The following OR2T11 variants were observed in gnomAD, a reference collection of about 807,000 sequenced individuals.
OR2T11 encodes the protein olfactory receptor family 2 subfamily T member 11.
A neutral mutation model predicts 13.5 loss-of-function variants in OR2T11; 14 were observed. The observed-to-expected ratio is 1.04, with a 90% CI of 0.69 to 1.62. The LOEUF (loss-of-function observed/expected upper bound fraction) is 1.62, where lower values mean the gene tolerates loss of function less well. Among genes scored for constraint, OR2T11 ranks in the 40% most tolerant of loss-of-function variants. OR2T11 has a pLI of 0.00. For missense variants in OR2T11, 410 were observed against 389.7 expected (o/e 1.05, Z -0.44); for synonymous variants, 163 against 154.6 (o/e 1.05, Z -0.40).
intron 1 of OR2T11, among the ~76,000 whole-genome samples, chr1:248,633,805 G>C (rs755616420): frequency 1.4e-5 from 2 of 143,810 alleles, no homozygotes; most frequent in Non-Finnish European, 3.0e-5. Context: ...TTTCAGTCAT[G>C]AAAGAGTTTT....
rs1195307276 is a variant in OR2T11, at chr1:248,623,603, G to A, written c.*2575C>T. On this transcript the variant is annotated 3_prime_UTR_variant, in exon 2 of 2. Coordinates refer to ENST00000641193, the MANE Select transcript of OR2T11 (RefSeq NM_001001964.2). Reference sequence around the variant, plus strand: ...AGAGACAAATTTATTGAAATAAACAGCTACTGAACATCTATTACATACTGC... The same window carrying A: ...AGAGACAAATTTATTGAAATAAACAACTACTGAACATCTATTACATACTGC... 1 of 143,122 alleles carries A rather than the reference G, an allele frequency of 7.0e-6. No homozygotes were observed. Among genetic ancestry groups the A allele is most frequent in the East Asian group, 2.0e-4 (1 of 4,972 alleles). The allele number at this position is 143,122 out of a possible 1,614,324, so 8.9% of individuals were successfully genotyped here.
At position 248,626,649 on chromosome 1, in the gene OR2T11, G is replaced by C. The variant is rs750066387; in HGVS notation, c.480C>G (p.Thr160=). The C allele has an allele frequency of 6.4e-7, 1 of 1,572,286 alleles. No homozygotes were observed. The highest frequency in any genetic ancestry group is 8.7e-7 in the Non-Finnish European group (1 of 1,155,924). Reference sequence around the variant, plus strand: ...GGGAGCCACAGTAAGGGACATTCATGGTGATGGGAGTGAGCAGAAAGCCAT... The same window carrying C: ...GGGAGCCACAGTAAGGGACATTCATCGTGATGGGAGTGAGCAGAAAGCCAT... ...SLDGFLLTPI[T]MNVPYCGSRS... The change falls in exon 2 of 2, where the codon ACC becomes ACG. Residue 160 remains threonine (T), a synonymous_variant. Coordinates refer to ENST00000641193, the MANE Select transcript of OR2T11 (RefSeq NM_001001964.2).
At chr1:248,630,836 C>T (rs1207654560) in intron 1 of OR2T11, among the ~76,000 whole-genome samples, 1 of 143,322 alleles carries the variant, frequency 7.0e-6, no homozygotes. Flanking sequence ...GCAAAAAAGA[C>T]TTTGTGGGTA....
chr1:248,631,081 C>A (rs1660606874), intron 1 of OR2T11, among the ~76,000 whole-genome samples: 2 of 142,678 alleles, frequency 1.4e-5, no homozygotes, highest in Non-Finnish European at 3.0e-5. Context: ...TCTCCTAAAA[C>A]CTCATAGAAA....
chr1:248,626,535 GA>G lies in OR2T11; in HGVS notation c.593del (p.Ile198ThrfsTer23), dbSNP rs778543886. 1.3e-6 allele frequency: 2 copies of G among 1,566,838 alleles called. No individual in the cohort carries two copies. The highest frequency in any genetic ancestry group is 1.7e-6 in the Non-Finnish European group (2 of 1,151,024). Reference sequence around the variant, plus strand: ...GGATGAGCAACATGAGGACACAGCAGATGTACATCAGAGTTTCATACAAGGA... The same window carrying G: ...GGATGAGCAACATGAGGACACAGCAGTGTACATCAGAGTTTCATACAAGGA... The part of the protein sequence containing the change: ...DTSLYETLMY[I>X]CCVLMLLIPI... On this transcript the variant is annotated frameshift_variant, in exon 2 of 2. Coordinates refer to ENST00000641193, the MANE Select transcript of OR2T11 (RefSeq NM_001001964.2). LOFTEE classifies it high-confidence loss of function.
rs374584724 is a variant in OR2T11, at chr1:248,631,540, C to T, written c.-145+3498G>A. Among the ~76,000 whole-genome samples, 10 of 143,126 alleles carry T rather than the reference C, an allele frequency of 7.0e-5. 2 individuals carry two copies. The highest frequency in any genetic ancestry group is 2.8e-4 in the African/African-American group (10 of 36,224). The allele number at this position is 143,126 out of a possible 152,430, so 93.9% of individuals were successfully genotyped here. On this transcript the variant is annotated intron_variant, in intron 1 of 1. Transcript: ENST00000641193. The stretch of plus-strand genomic sequence containing the variant: ...CTTTGAGCATCACTTCCGTTTACAA[C>T]CAGCCAAAGAGAAGTTAAATGAATG...
chr1:248,627,119 T>C lies in OR2T11; in HGVS notation c.10A>G (p.Thr4Ala). 1 of 1,531,154 alleles carries C rather than the reference T, an allele frequency of 6.5e-7. No homozygotes were observed. The highest frequency in any genetic ancestry group is 8.9e-7 in the Non-Finnish European group (1 of 1,121,862). 94.8% of individuals were successfully genotyped at this position (1,531,154 alleles called of 1,614,324 possible). Reference protein sequence around the residue: MTNTSSSDFTLLGL... With the variant: MTNASSSDFTLLGL... Reference sequence around the variant, plus strand: ...AGGAGGGTGAAGTCAGAGGATGATGTGTTCGTCATTGATATGGCCCACGAG... The same window carrying C: ...AGGAGGGTGAAGTCAGAGGATGATGCGTTCGTCATTGATATGGCCCACGAG... The change falls in exon 2 of 2, where the codon ACA becomes GCA. Residue 4 changes from threonine to alanine, a missense_variant. Coordinates refer to ENST00000641193, the MANE Select transcript of OR2T11 (RefSeq NM_001001964.2).
In OR2T11 at chr1:248,626,338, G is replaced by A. The variant is rs755049818; in HGVS notation, c.791C>T (p.Thr264Ile). The A allele has an allele frequency of 2.5e-6, 4 of 1,573,432 alleles. 1 individual carries two copies. The highest frequency in any genetic ancestry group is 3.5e-6 in the Non-Finnish European group (4 of 1,156,562). The change falls in exon 2 of 2, where the codon ACC (threonine) becomes ATC (isoleucine). Residue 264 changes from threonine to isoleucine, a missense_variant. Physicochemically the swap from Thr to Ile is moderately conservative, Grantham distance 89. Transcript: ENST00000641193. ...TGACACTACTTTGTCCTGCTCGGGG[G>A]TGTGGAAGGACTGGGGCAGCACGTA... ...YTYVLPQSFHTPEQDKVVSAF... is the reference protein window; with the variant it reads ...YTYVLPQSFHIPEQDKVVSAF...
chr1:248,632,342 G>A lies in OR2T11; in HGVS notation c.-145+2696C>T, dbSNP rs575640858. ...TTCCTAGGTACTGAAGACCTCTAAT[G>A]GACAGATTTTTTTAAAAGATAATTT... On this transcript the variant is annotated intron_variant, in intron 1 of 1. Coordinates refer to ENST00000641193, the MANE Select transcript of OR2T11 (RefSeq NM_001001964.2). Among the ~76,000 whole-genome samples, 69 of 140,596 alleles carry A rather than the reference G, an allele frequency of 4.9e-4. 8 individuals are homozygous for A. The highest frequency in any genetic ancestry group is 7.1e-3 in the Middle Eastern group (2 of 282). 92.2% of individuals were successfully genotyped at this position (140,596 alleles called of 152,430 possible).
intron 1 of OR2T11, among the ~76,000 whole-genome samples, chr1:248,632,528 C>T (rs1660628713): frequency 7.3e-6 from 1 of 137,274 alleles, no homozygotes. Flanking sequence ...AGTTGAGGGA[C>T]CATTTCTGAA....
At position 248,630,894 on chromosome 1, in the gene OR2T11, G is replaced by C. The variant is rs114709237; in HGVS notation, c.-144-3622C>G. On this transcript the variant is annotated intron_variant, in intron 1 of 1. Transcript: ENST00000641193. ...GAGATTCTTCTGAATTATGCTGTTG[G>C]ACTCAATTGCAAATGCCAAGGCCTT... is the stretch of plus-strand genomic sequence containing the variant. Among the ~76,000 whole-genome samples, 965 of 143,136 alleles carry C rather than the reference G, an allele frequency of 6.7e-3. 191 individuals carry two copies. Among genetic ancestry groups the C allele is most frequent in the African/African-American group, 0.026 (931 of 36,284 alleles). The allele number at this position is 143,136 out of a possible 152,430, so 93.9% of individuals were successfully genotyped here. A position where few individuals can be genotyped will look rare whatever the true frequency, so the allele number is the denominator to read the frequency against.
At chr1:248,633,564 G>C (rs1392550126) in intron 1 of OR2T11, among the ~76,000 whole-genome samples, 1 of 139,018 alleles carries the variant, frequency 7.2e-6, no homozygotes, top group Non-Finnish European at 1.5e-5. Context: ...GTTTATACAG[G>C]GAGACAGAAA....
chr1:248,625,403 G>A lies in OR2T11; in HGVS notation c.*775C>T, dbSNP rs760990783. On this transcript the variant is annotated 3_prime_UTR_variant, in exon 2 of 2. Transcript: ENST00000641193. The stretch of plus-strand genomic sequence containing the variant: ...CACCCCACTCAGTCAGTCTCAAAGT[G>A]CCTTAAGTGTTGCTGTTGAATCACA... 2.8e-5 allele frequency: 4 copies of A among 144,188 alleles called. 1 individual carries two copies. Among genetic ancestry groups the A allele is most frequent in the African/African-American group, 5.4e-5 (2 of 36,734 alleles). 8.9% of individuals were successfully genotyped at this position (144,188 alleles called of 1,614,324 possible).
At chr1:248,628,569 TAAC>T (rs1660555524) in intron 1 of OR2T11, among the ~76,000 whole-genome samples, 1 of 141,478 alleles carries the variant, frequency 7.1e-6, no homozygotes, top group African/African-American at 2.8e-5. Context: ...ATAATGTTCT[TAAC>T]ACCAAAAAAA....
Position 248,626,320 on chromosome 1 carries a change from ACTT to A in OR2T11, c.806_808del (p.Lys269_Val270delinsIle), listed in dbSNP as rs1660517358. On this transcript the variant is annotated inframe_deletion, in exon 2 of 2. Transcript: ENST00000641193. ...GACAATGGTATAGAAGGCTGACACT[ACTT>A]TGTCCTGCTCGGGGGTGTGGAAGGA... 1 of 1,572,036 alleles carries A rather than the reference ACTT, an allele frequency of 6.4e-7. No homozygotes were observed. The highest frequency in any genetic ancestry group is 1.1e-5 in the South Asian group (1 of 88,894).
In OR2T11 at chr1:248,624,656, T is replaced by TTCTGAACA; in HGVS notation, c.*1521_*1522insTGTTCAGA. On this transcript the variant is annotated 3_prime_UTR_variant, in exon 2 of 2. Transcript: ENST00000641193. ...TTAAATGCTCTTCGTACTCTGATTA[T>TTCTGAACA]TAAATGTATGCTTTATGTTCAGAAC... is the stretch of plus-strand genomic sequence containing the variant. 6.9e-6 allele frequency: 1 copy of TTCTGAACA among 144,466 alleles called. No individual in the cohort carries two copies. Among genetic ancestry groups the TTCTGAACA allele is most frequent in the Admixed American group, 6.8e-5 (1 of 14,810 alleles). The allele number at this position is 144,466 out of a possible 1,614,324, so 8.9% of individuals were successfully genotyped here. A position where few individuals can be genotyped will look rare whatever the true frequency, so the allele number is the denominator to read the frequency against.
rs1483747607 is a variant in OR2T11 at position 248,624,410 on chromosome 1, G to A, written c.*1768C>T. On this transcript the variant is annotated 3_prime_UTR_variant, in exon 2 of 2. Coordinates refer to ENST00000641193, the MANE Select transcript of OR2T11 (RefSeq NM_001001964.2). Reference sequence around the variant, plus strand: ...ATCTCCATTAAAAATGGTCACTAAGGTTACAAGTAACCTTTCATGTTGCTA... The same window carrying A: ...ATCTCCATTAAAAATGGTCACTAAGATTACAAGTAACCTTTCATGTTGCTA... 7.0e-6 allele frequency: 1 copy of A among 142,952 alleles called. No individual in the cohort carries two copies. Among genetic ancestry groups the A allele is most frequent in the Non-Finnish European group, 1.5e-5 (1 of 66,210 alleles). 8.9% of individuals were successfully genotyped at this position (142,952 alleles called of 1,614,324 possible).
In OR2T11 at chr1:248,626,038, G is replaced by T; in HGVS notation, c.*140C>A. Reference sequence around the variant, plus strand: ...AGTAAAACATCTTTCCCTTGCTCCCGAGGAGCAAGAATCCAGACAGGGTGA... The same window carrying T: ...AGTAAAACATCTTTCCCTTGCTCCCTAGGAGCAAGAATCCAGACAGGGTGA... On this transcript the variant is annotated 3_prime_UTR_variant, in exon 2 of 2. Coordinates refer to ENST00000641193, the MANE Select transcript of OR2T11 (RefSeq NM_001001964.2). 1 of 560,916 alleles carries T rather than the reference G, an allele frequency of 1.8e-6. No homozygotes were observed. Among genetic ancestry groups the T allele is most frequent in the South Asian group, 2.4e-5 (1 of 41,870 alleles). The allele number at this position is 560,916 out of a possible 1,614,324, so 34.7% of individuals were successfully genotyped here. A position where few individuals can be genotyped will look rare whatever the true frequency, so the allele number is the denominator to read the frequency against.
In OR2T11 at chr1:248,632,274, TATG is replaced by T. The variant is rs1453483236; in HGVS notation, c.-145+2761_-145+2763del. The stretch of plus-strand genomic sequence containing the variant: ...TGATTTATGAAACAATGAGTTAAAT[TATG>T]ATAATTTTTTTCAACATAATTGTCC... On this transcript the variant is annotated intron_variant, in intron 1 of 1. Transcript: ENST00000641193. Among the ~76,000 whole-genome samples the T allele has an allele frequency of 2.1e-5, 3 of 143,682 alleles. 1 individual carries two copies. Among genetic ancestry groups the T allele is most frequent in the African/African-American group, 5.5e-5 (2 of 36,638 alleles). 94.3% of individuals were successfully genotyped at this position (143,682 alleles called of 152,430 possible).
Sources: gnomAD v4.1 joint callset for allele counts (sites outside exome capture counted in the v4.1 genomes callset) on GRCh38, gnomAD v4.1.1 for gene constraint, MANE v1.5 for transcripts, NCBI Gene and HGNC (gene_info 2026-07-23, HGNC 2026-07-21) for gene names.